VPS13B: variants seen among roughly 807,000 people sequenced by gnomAD.
VPS13B encodes vacuolar protein sorting 13 homolog B.
Under a neutral mutation model 426.4 loss-of-function variants are expected in VPS13B, and 285 were observed. That is an observed-to-expected ratio of 0.67 (90% CI 0.61 to 0.74). The LOEUF is 0.74. Among genes scored for constraint, VPS13B ranks in the 30% least tolerant of loss-of-function variants. VPS13B has a pLI of 0.00. For missense variants in VPS13B, 4,537 were observed against 4,782.6 expected (o/e 0.95, Z 1.51); for synonymous variants, 1,676 against 1,676.4 (o/e 1.00, Z 0.01).
intron 7 of VPS13B, among the ~76,000 whole-genome samples, chr8:99,116,176 C>G (rs1847643915): frequency 6.7e-6 from 1 of 150,112 alleles, no homozygotes; most frequent in Admixed American, 6.7e-5. Context: ...TACAGACATG[C>G]ATCACCACGC....
intron 17 of VPS13B, among the ~76,000 whole-genome samples, chr8:99,215,762 C>G (rs1815359034): frequency 6.6e-6 from 1 of 152,120 alleles, no homozygotes; most frequent in African/African-American, 2.4e-5. Flanking sequence ...GTACCAAAAT[C>G]CTGGACTCCT....
chr8:99,293,771 C>A (rs1299027549), intron 19 of VPS13B, among the ~76,000 whole-genome samples: 3 of 152,068 alleles, frequency 2.0e-5, no homozygotes, highest in Admixed American at 2.0e-4. Flanking sequence ...TTTATGCAGC[C>A]AAAAAATACA....
intron 44 of VPS13B, among the ~76,000 whole-genome samples, chr8:99,814,262 T>C (rs889847598): frequency 6.6e-6 from 1 of 151,898 alleles, no homozygotes; most frequent in Non-Finnish European, 1.5e-5. Context: ...AATGTATCAG[T>C]TAGGACGCTT....
intron 15 of VPS13B, among the ~76,000 whole-genome samples, chr8:99,161,294 T>A (rs1811636119): frequency 6.6e-6 from 1 of 152,188 alleles, no homozygotes; most frequent in Non-Finnish European, 1.5e-5. Flanking sequence ...ATAATATATT[T>A]TATTTAACCC....
At chr8:99,090,229 A>G (rs10955202) in intron 3 of VPS13B, among the ~76,000 whole-genome samples, 125,267 of 151,590 alleles carry the variant, frequency 0.83, 52,252 homozygotes, top group South Asian at 0.89. Context: ...CTTGCTGCCT[A>G]GTAACTGCTA....
At chr8:99,590,996 C>T (rs1255518796) in intron 33 of VPS13B, among the ~76,000 whole-genome samples, 2 of 151,900 alleles carry the variant, frequency 1.3e-5, no homozygotes, top group African/African-American at 2.4e-5. Context: ...TCTCTGAGGA[C>T]TTGCTTTATG....
At chr8:99,114,563 A>G (rs981885774) in intron 6 of VPS13B, among the ~76,000 whole-genome samples, 1 of 152,220 alleles carries the variant, frequency 6.6e-6, no homozygotes, top group Non-Finnish European at 1.5e-5. Flanking sequence ...ATTTCAAATT[A>G]AGGAAACCTT....
At chr8:99,705,410 G>A (rs1832459945) in intron 36 of VPS13B, among the ~76,000 whole-genome samples, 1 of 151,978 alleles carries the variant, frequency 6.6e-6, no homozygotes, top group African/African-American at 2.4e-5. Flanking sequence ...TATATGAAAT[G>A]GAGAAGACAT....
At chr8:99,473,926 A>C (rs1345708952) in intron 24 of VPS13B, among the ~76,000 whole-genome samples, 1 of 152,164 alleles carries the variant, frequency 6.6e-6, no homozygotes, top group Non-Finnish European at 1.5e-5. Context: ...AAATGAATAA[A>C]TCTAACAAAA....
At chr8:99,256,578 G>C (rs1817754821) in intron 17 of VPS13B, among the ~76,000 whole-genome samples, 1 of 151,986 alleles carries the variant, frequency 6.6e-6, no homozygotes, top group Non-Finnish European at 1.5e-5. Flanking sequence ...TTTTTAAATA[G>C]TAGCCATCCT....
At chr8:99,399,554 T>C (rs375679663) in intron 21 of VPS13B, among the ~76,000 whole-genome samples, 1 of 152,198 alleles carries the variant, frequency 6.6e-6, no homozygotes, top group Non-Finnish European at 1.5e-5. Flanking sequence ...ATGATAAATA[T>C]GAATTATCTC....
At chr8:99,033,022 C>G (rs897826947) in intron 2 of VPS13B, among the ~76,000 whole-genome samples, 1 of 152,116 alleles carries the variant, frequency 6.6e-6, no homozygotes, top group African/African-American at 2.4e-5. Context: ...AAAAGTTCAA[C>G]TATACAATTT....
chr8:99,622,562 C>T (rs181341384), intron 33 of VPS13B, among the ~76,000 whole-genome samples: 5 of 152,234 alleles, frequency 3.3e-5, no homozygotes, highest in African/African-American at 9.6e-5. Context: ...GCCTAAAAAA[C>T]AAAAGGGCAC....
intron 22 of VPS13B, among the ~76,000 whole-genome samples, chr8:99,433,732 A>G (rs1817231810): frequency 6.6e-6 from 1 of 152,170 alleles, no homozygotes; most frequent in Non-Finnish European, 1.5e-5. Context: ...ATAGTATTCA[A>G]GGAGAAAGCT....
At position 99,481,775 on chromosome 8, in the gene VPS13B, A is replaced by G. The variant is rs766922292; in HGVS notation, c.3843A>G (p.Pro1281=). 8.7e-6 allele frequency: 14 copies of G among 1,613,800 alleles called. 1 individual carries two copies. The African/African-American group carries it at 9.3e-5, about 11-fold the overall frequency. ...TAPPDTSTCS[P]SADIGTTTEG... is the part of the protein sequence containing the mutation. ...CTCCAGATACCAGCACATGCAGCCC[A>G]TCTGCTGACATTGGGACTACTACTG... is the stretch of plus-strand genomic sequence containing the variant. The change falls in exon 25 of 62, where the codon CCA becomes CCG. Residue 1281 remains proline (P), a synonymous_variant. Transcript: ENST00000357162.
At chr8:99,142,613 A>G (rs1357620039) in intron 12 of VPS13B, among the ~76,000 whole-genome samples, 3 of 152,246 alleles carry the variant, frequency 2.0e-5, no homozygotes, top group African/African-American at 7.2e-5. Context: ...ACTAAGATAA[A>G]TTAGTAAAAT....
In VPS13B at chr8:99,459,883, C is replaced by T. The variant is rs183068540; in HGVS notation, c.3446-7531C>T. The stretch of plus-strand genomic sequence containing the variant: ...TATCTGTCTCTGTAATATTTCTTGT[C>T]TTAAATCAGTTTTTATCTGTTATTA... On this transcript the variant is annotated intron_variant, in intron 23 of 61. Coordinates refer to ENST00000357162, the MANE Select transcript of VPS13B (RefSeq NM_152564.5). Among the ~76,000 whole-genome samples, 39 of 152,186 alleles carry T rather than the reference C, an allele frequency of 2.6e-4. 1 individual carries two copies. In the East Asian group the frequency reaches 5.8e-3, roughly 23 times the overall value.
intron 39 of VPS13B, among the ~76,000 whole-genome samples, chr8:99,753,030 A>T (rs2130549451): frequency 6.6e-6 from 1 of 152,266 alleles, no homozygotes; most frequent in Admixed American, 6.5e-5. Context: ...TATCATTGAG[A>T]TCCTTGACAG....
At chr8:99,355,443 T>G (rs1812131238) in intron 19 of VPS13B, among the ~76,000 whole-genome samples, 1 of 151,976 alleles carries the variant, frequency 6.6e-6, no homozygotes, top group African/African-American at 2.4e-5. Flanking sequence ...ATACACAAAT[T>G]AGCTGGGCCT....
Sources: gnomAD v4.1 joint callset for allele counts (sites outside exome capture counted in the v4.1 genomes callset) on GRCh38, gnomAD v4.1.1 for gene constraint, MANE v1.5 for transcripts, NCBI Gene and HGNC (gene_info 2026-07-23, HGNC 2026-07-21) for gene names.